The following CFAP299 variants were observed in gnomAD, a reference collection of about 807,000 sequenced individuals.
CFAP299 encodes the protein cilia and flagella associated protein 299.
Under a neutral mutation model 27.0 loss-of-function variants are expected in CFAP299, and 21 were observed. The observed-to-expected ratio is 0.78, with a 90% CI of 0.55 to 1.12. The LOEUF (loss-of-function observed/expected upper bound fraction) is 1.12, where lower values mean the gene tolerates loss of function less well. Ranked by LOEUF, CFAP299 falls within the 50% of genes most tolerant of loss-of-function variation. The probability of loss-of-function intolerance (pLI) is 0.00; values close to 1 mark genes in which losing one functional copy is unlikely to be tolerated. For synonymous variants in CFAP299, 104 were observed against 98.1 expected (o/e 1.06, Z -0.36); for missense variants, 310 against 276.6 (o/e 1.12, Z -0.86).
chr4:80,453,703 T>G (rs1729004525), intron 2 of CFAP299, among the ~76,000 whole-genome samples: 1 of 151,488 alleles, frequency 6.6e-6, no homozygotes, highest in Admixed American at 6.6e-5. Context: ...TAGCCAGGCT[T>G]CTTGGCGCGT....
intron 4 of CFAP299, among the ~76,000 whole-genome samples, chr4:80,917,688 A>C (rs1735832395): frequency 6.6e-6 from 1 of 152,158 alleles, no homozygotes. Flanking sequence ...TTCCCAAAGA[A>C]TATGAGCCTT....
At chr4:80,342,810 A>G (rs559806668) in intron 1 of CFAP299, among the ~76,000 whole-genome samples, 9 of 152,326 alleles carry the variant, frequency 5.9e-5, no homozygotes, top group African/African-American at 2.2e-4. Flanking sequence ...TGATAGGATC[A>G]AATTCTCACA....
At chr4:80,657,958 G>T (rs1740648398) in intron 3 of CFAP299, among the ~76,000 whole-genome samples, 1 of 152,082 alleles carries the variant, frequency 6.6e-6, no homozygotes, top group Admixed American at 6.6e-5. Context: ...TCCTTTGTAA[G>T]ATGTATGCCT....
chr4:80,448,740 A>T (rs549266576), intron 2 of CFAP299, among the ~76,000 whole-genome samples: 32 of 152,286 alleles, frequency 2.1e-4, no homozygotes, highest in African/African-American at 7.5e-4. Context: ...CTCAATTTCA[A>T]CAGGTATAAT....
Position 80,776,396 on chromosome 4 carries a change from G to A in CFAP299, c.334-93597G>A, listed in dbSNP as rs77013956. Among the ~76,000 whole-genome samples, 316 of 152,118 alleles carry A rather than the reference G, an allele frequency of 2.1e-3. 13 individuals are homozygous for A. The East Asian group carries it at 0.05, about 24-fold the overall frequency. On this transcript the variant is annotated intron_variant, in intron 3 of 5. Transcript: ENST00000358105. ...GAACTCCATAGTAGTACATAAATGC[G>A]TGTCAGGAATTAATACTGTGAAACT...
intron 4 of CFAP299, among the ~76,000 whole-genome samples, chr4:80,928,658 T>C (rs776404175): frequency 1.3e-5 from 2 of 152,056 alleles, no homozygotes; most frequent in Non-Finnish European, 2.9e-5. Flanking sequence ...AGCCAAATAA[T>C]GTTTGTTTTT....
intron 2 of CFAP299, among the ~76,000 whole-genome samples, chr4:80,550,011 T>C (rs191598956): frequency 2.4e-4 from 37 of 152,112 alleles, no homozygotes; most frequent in Non-Finnish European, 4.1e-4. Context: ...ACATATTGAC[T>C]TTTATATTAG....
intron 3 of CFAP299, among the ~76,000 whole-genome samples, chr4:80,665,794 G>A (rs570319612): frequency 6.6e-6 from 1 of 152,100 alleles, no homozygotes; most frequent in East Asian, 1.9e-4. Context: ...TTCATGAATG[G>A]TTCAGTACAA....
At chr4:80,666,968 G>C (rs1416572267) in intron 3 of CFAP299, among the ~76,000 whole-genome samples, 1 of 152,168 alleles carries the variant, frequency 6.6e-6, no homozygotes, top group Non-Finnish European at 1.5e-5. Flanking sequence ...ATCCAAACTT[G>C]ATGCTTTTGT....
intron 3 of CFAP299, among the ~76,000 whole-genome samples, chr4:80,734,515 G>A (rs1184911042): frequency 1.3e-5 from 2 of 151,996 alleles, no homozygotes; most frequent in Non-Finnish European, 2.9e-5. Flanking sequence ...CTGTGCTTGT[G>A]GAATATTATT....
chr4:80,788,610 G>T (rs986202110), intron 3 of CFAP299, among the ~76,000 whole-genome samples: 1 of 151,918 alleles, frequency 6.6e-6, no homozygotes, highest in Non-Finnish European at 1.5e-5. Context: ...TCATTAGCTA[G>T]AACATCCTAA....
intron 3 of CFAP299, among the ~76,000 whole-genome samples, chr4:80,731,248 C>G (rs907044683): frequency 6.6e-6 from 1 of 152,104 alleles, no homozygotes; most frequent in Admixed American, 6.5e-5. Flanking sequence ...CATACTGAAG[C>G]TGGTACGAGG....
At chr4:80,390,706 T>TAC (rs1725347109) in intron 2 of CFAP299, among the ~76,000 whole-genome samples, 2 of 145,386 alleles carry the variant, frequency 1.4e-5, no homozygotes, top group African/African-American at 5.1e-5. Context: ...TATATATGTA[T>TAC]ATATGTATAC....
intron 3 of CFAP299, among the ~76,000 whole-genome samples, chr4:80,821,138 T>G (rs1232731194): frequency 6.6e-6 from 1 of 152,140 alleles, no homozygotes; most frequent in Admixed American, 6.5e-5. Flanking sequence ...TCAGTAGAAA[T>G]TGTTATTGAC....
intron 3 of CFAP299, among the ~76,000 whole-genome samples, chr4:80,682,403 T>C (rs1578012646): frequency 6.6e-6 from 1 of 152,124 alleles, no homozygotes; most frequent in Non-Finnish European, 1.5e-5. Flanking sequence ...GAAAAAATAC[T>C]AAAGGAAGAG....
At chr4:80,752,521 T>C (rs1407954051) in intron 3 of CFAP299, among the ~76,000 whole-genome samples, 1 of 149,712 alleles carries the variant, frequency 6.7e-6, no homozygotes, top group Non-Finnish European at 1.5e-5. Context: ...CCTTTTAATA[T>C]ATTTATGTCT....
intron 2 of CFAP299, among the ~76,000 whole-genome samples, chr4:80,552,556 G>A (rs1481279269): frequency 6.6e-6 from 1 of 151,864 alleles, no homozygotes; most frequent in African/African-American, 2.4e-5. Flanking sequence ...TTTTTGCATG[G>A]TTCAAAAAAT....
At chr4:80,542,706 C>T (rs909194244) in intron 2 of CFAP299, among the ~76,000 whole-genome samples, 1 of 152,134 alleles carries the variant, frequency 6.6e-6, no homozygotes, top group African/African-American at 2.4e-5. Context: ...CTCACCTACC[C>T]TGCCAGAGCA....
intron 2 of CFAP299, among the ~76,000 whole-genome samples, chr4:80,366,459 T>C (rs1302801011): frequency 6.6e-6 from 1 of 152,152 alleles, no homozygotes; most frequent in Non-Finnish European, 1.5e-5. Context: ...AAGGCAAAAA[T>C]GCTAAAAAAA....
Sources: allele counts gnomAD v4.1 joint callset (sites outside exome capture counted in the v4.1 genomes callset), GRCh38; gene constraint gnomAD v4.1.1; transcripts MANE v1.5; gene names NCBI Gene and HGNC (gene_info 2026-07-23, HGNC 2026-07-21).